Variants in ARL6IP4 observed in about 807,000 individuals in gnomAD.
ARL6IP4 encodes the protein ADP-ribosylation factor-like protein 6-interacting protein 4.
Under a neutral mutation model 28.1 loss-of-function variants are expected in ARL6IP4, and 24 were observed. The observed-to-expected ratio is 0.86, with a 90% CI of 0.62 to 1.20. The LOEUF (loss-of-function observed/expected upper bound fraction) is 1.20, where lower values mean the gene tolerates loss of function less well. ARL6IP4 is among the 50% of genes most tolerant of loss of function. The pLI, the probability that ARL6IP4 is intolerant of heterozygous loss-of-function variation, is 0.00. For synonymous variants in ARL6IP4, 162 were observed against 122.3 expected (o/e 1.32, Z -2.14); for missense variants, 343 against 302.4 (o/e 1.13, Z -1.00).
At position 122,982,775 on chromosome 12, in the gene ARL6IP4, C is replaced by T. The variant is rs2037756732; in HGVS notation, c.*99C>T. 1 of 1,295,038 alleles carries T rather than the reference C, an allele frequency of 7.7e-7. No homozygotes were observed. The highest frequency in any genetic ancestry group is 1.1e-6 in the Non-Finnish European group (1 of 915,384). The allele number at this position is 1,295,038 out of a possible 1,614,324, so 80.2% of individuals were successfully genotyped here. On this transcript the variant is annotated 3_prime_UTR_variant, in exon 6 of 6. Coordinates refer to ENST00000315580, the MANE Select transcript of ARL6IP4 (RefSeq NM_018694.4). ...AGCCTGATGGGTGCTGGTGGCCTTT[C>T]CCCCGTGGATTGGTCTCTGGCCCAG...
Position 122,982,811 on chromosome 12 carries a change from TCTC to T in ARL6IP4, c.*136_*138del. ...TGGTCTCTGGCCCAGCCCAGTCTCT[TCTC>T]AGGGGCAGGGGGTGGAGGTTGGGGT... On this transcript the variant is annotated 3_prime_UTR_variant, in exon 6 of 6. Transcript: ENST00000315580. 2.1e-6 allele frequency: 2 copies of T among 933,462 alleles called. No individual in the cohort carries two copies. 57.8% of individuals were successfully genotyped at this position (933,462 alleles called of 1,614,324 possible).
rs766112918 is a variant in ARL6IP4, at chr12:122,981,824, G to C, written c.414G>C (p.Pro138=). ...AAGCACAGCAGGTGGAGGCTCTGCC[G>C]GGCCCCTCGCTGGACCAGTGGCACC... ...KAEAQQVEAL[P]GPSLDQWHRS... is the part of the protein sequence containing the mutation. Residue 138 remains proline (P), a synonymous_variant, in exon 3 of 6, where the codon CCG becomes CCC. Transcript: ENST00000315580. 1.2e-6 allele frequency: 2 copies of C among 1,608,264 alleles called. No individual in the cohort carries two copies. Among genetic ancestry groups the C allele is most frequent in the East Asian group, 4.5e-5 (2 of 44,652 alleles).
chr12:122,981,070 GA>G lies in ARL6IP4; in HGVS notation c.-11-58del. On this transcript the variant is annotated intron_variant, in intron 1 of 5. Transcript: ENST00000315580. The stretch of plus-strand genomic sequence containing the variant: ...CCCGGCCCCGCTAGAGCCACCCTTG[GA>G]GCCCGCCCGCGGCCGGCCTTGGGGG... 2.0e-6 allele frequency: 3 copies of G among 1,505,486 alleles called. No individual in the cohort carries two copies. In the South Asian group the frequency reaches 3.8e-5, roughly 19 times the overall value. 93.3% of individuals were successfully genotyped at this position (1,505,486 alleles called of 1,614,324 possible).
At chr12:122,980,461 C>T (rs201259682), upstream of ARL6IP4, 180 of 1,363,184 alleles carry the variant, frequency 1.3e-4, no homozygotes, top group East Asian at 5.1e-3. Context: ...GCACCGGGGG[C>T]GTGGGTGCTG....
Position 122,981,711 on chromosome 12 carries a change from C to A in ARL6IP4, c.301C>A (p.Arg101=). 6.4e-7 allele frequency: 1 copy of A among 1,551,370 alleles called. No homozygotes were observed. Among genetic ancestry groups the A allele is most frequent in the South Asian group, 1.2e-5 (1 of 84,354 alleles). The stretch of plus-strand genomic sequence containing the variant: ...CTCCTCCTCTTCCTCCAGTGATGGC[C>A]GGAAGAAGCGGGGGAAGTACAAGGA... ...SSSSSSSSDG[R]KKRGKYKDKR... The change falls in exon 3 of 6, where the codon CGG becomes AGG. Residue 101 remains arginine, a synonymous_variant. Coordinates refer to ENST00000315580, the MANE Select transcript of ARL6IP4 (RefSeq NM_018694.4).
In ARL6IP4 at chr12:122,981,694, C is replaced by A; in HGVS notation, c.284C>A (p.Ser95Tyr). Residue 95 changes from serine to tyrosine, a missense_variant, in exon 3 of 6, where the codon TCT becomes TAT. Ser to Tyr is a moderately radical substitution (Grantham distance 144). Transcript: ENST00000315580. ...TCTTCTTCCTCCTCGTCCTCCTCCT[C>A]TTCCTCCAGTGATGGCCGGAAGAAG... is the stretch of plus-strand genomic sequence containing the variant. ...SSSSSSSSSS[S>Y]SSSDGRKKRG... The A allele has an allele frequency of 6.4e-7, 1 of 1,553,680 alleles. No homozygotes were observed. The highest frequency in any genetic ancestry group is 8.7e-7 in the Non-Finnish European group (1 of 1,147,978).
In ARL6IP4 at chr12:122,981,785, C is replaced by T. The variant is rs938565774; in HGVS notation, c.375C>T (p.Gly125=). 4 of 1,586,510 alleles carry T rather than the reference C, an allele frequency of 2.5e-6. No homozygotes were observed. Among genetic ancestry groups the T allele is most frequent in the Non-Finnish European group, 2.6e-6 (3 of 1,166,380 alleles). The change falls in exon 3 of 6, where the codon GGC becomes GGT. Residue 125 remains glycine (G), a synonymous_variant. Coordinates refer to ENST00000315580, the MANE Select transcript of ARL6IP4 (RefSeq NM_018694.4). ...AGAGGAAGAAGCTGAAGAAGAAGGG[C>T]AAGGAGAAGGCGGAAGCACAGCAGG... ...KKKRKKLKKK[G]KEKAEAQQVE...
intron 1 of ARL6IP4, 27 bp downstream of exon 1, chr12:122,980,772 C>T: frequency 7.7e-7 from 1 of 1,304,588 alleles, no homozygotes; most frequent in East Asian, 3.2e-5. Context: ...CCCGGGGGCC[C>T]CCTTGAGGCG....
chr12:122,981,744 A>G lies in ARL6IP4; in HGVS notation c.334A>G (p.Arg112Gly). The G allele has an allele frequency of 6.4e-7, 1 of 1,555,320 alleles. No homozygotes were observed. Among genetic ancestry groups the G allele is most frequent in the Non-Finnish European group, 8.7e-7 (1 of 1,149,172 alleles). Reference protein sequence around the residue: ...KKRGKYKDKRRKKKKKRKKLK... With the variant: ...KKRGKYKDKRGKKKKKRKKLK... ...GCGGGGGAAGTACAAGGACAAGAGGAGGAAGAAGAAGAAGAAGAGGAAGAA... is the reference window on the plus strand; with the variant it reads ...GCGGGGGAAGTACAAGGACAAGAGGGGGAAGAAGAAGAAGAAGAGGAAGAA... The change falls in exon 3 of 6, where the codon AGG becomes GGG. Residue 112 changes from arginine to glycine, a missense_variant. Coordinates refer to ENST00000315580, the MANE Select transcript of ARL6IP4 (RefSeq NM_018694.4).
At chr12:122,980,968 C>T (rs2037619334) in intron 1 of ARL6IP4, 161 bp from the exon 2 acceptor site, 1 of 1,383,616 alleles carries the variant, frequency 7.2e-7, no homozygotes, top group Non-Finnish European at 9.3e-7. Context: ...CGGAGAAAAC[C>T]GGGGTCCCCA....
At position 122,981,720 on chromosome 12, in the gene ARL6IP4, CG is replaced by C. The variant is rs777430007; in HGVS notation, c.315del (p.Lys106SerfsTer16). On this transcript the variant is annotated frameshift_variant, in exon 3 of 6. Coordinates refer to ENST00000315580, the MANE Select transcript of ARL6IP4 (RefSeq NM_018694.4). LOFTEE classifies it high-confidence loss of function. ...SSSSSDGRKK[R>X]GKYKDKRRKK... ...TTCCTCCAGTGATGGCCGGAAGAAG[CG>C]GGGGAAGTACAAGGACAAGAGGAGG... 4 of 1,551,692 alleles carry C rather than the reference CG, an allele frequency of 2.6e-6. No homozygotes were observed. Among genetic ancestry groups the C allele is most frequent in the African/African-American group, 1.4e-5 (1 of 73,056 alleles).
intron 4 of ARL6IP4, 35 bp from the exon 5 acceptor site, chr12:122,982,434 T>C: frequency 6.3e-7 from 1 of 1,578,020 alleles, no homozygotes; most frequent in Non-Finnish European, 8.6e-7. Flanking sequence ...GGGACCTGCC[T>C]ATTCCTTGCT....
chr12:122,982,485 G>T lies in ARL6IP4; in HGVS notation c.604G>T (p.Gly202Cys). Reference sequence around the variant, plus strand: ...CACCCCCAGGCTTATTAAGGGAGATGGCGAGGTCCTAGAGGAAATCGTAAC... The same window carrying T: ...CACCCCCAGGCTTATTAAGGGAGATTGCGAGGTCCTAGAGGAAATCGTAAC... ...TGRTRLIKGD[G>C]EVLEEIVTKE... is the part of the protein sequence containing the mutation. The change falls in exon 5 of 6, where the codon GGC becomes TGC. Residue 202 changes from glycine to cysteine, a missense_variant. By Grantham distance (159) the Gly-to-Cys change is radical. Coordinates refer to ENST00000315580, the MANE Select transcript of ARL6IP4 (RefSeq NM_018694.4). The T allele has an allele frequency of 6.2e-7, 1 of 1,613,818 alleles. No individual in the cohort carries two copies. Among genetic ancestry groups the T allele is most frequent in the Non-Finnish European group, 8.5e-7 (1 of 1,179,892 alleles).
chr12:122,981,658 C>A lies in ARL6IP4; in HGVS notation c.248C>A (p.Ser83Tyr), dbSNP rs767437870. Residue 83 changes from serine to tyrosine, a missense_variant, in exon 3 of 6, where the codon TCT becomes TAT. Transcript: ENST00000315580. The stretch of plus-strand genomic sequence containing the variant: ...AGCTCCTCCTCCTCTTCTTCCAGTT[C>A]TTCTAGCTCCTCTTCTTCCTCCTCG... The part of the protein sequence containing the change: ...RSSSSSSSSS[S>Y]SSSSSSSSSS... 1.3e-6 allele frequency: 2 copies of A among 1,555,952 alleles called. No homozygotes were observed. Among genetic ancestry groups the A allele is most frequent in the African/African-American group, 1.4e-5 (1 of 73,448 alleles).
In ARL6IP4 at chr12:122,982,682, C is replaced by T; in HGVS notation, c.*6C>T. ...GAGCTGGGTTGCTTCCCTGAGGGCCCCCGCTGGCCAAGGCCTGTGGACGAC... is the reference window on the plus strand; with the variant it reads ...GAGCTGGGTTGCTTCCCTGAGGGCCTCCGCTGGCCAAGGCCTGTGGACGAC... On this transcript the variant is annotated 3_prime_UTR_variant, in exon 6 of 6. Transcript: ENST00000315580. The T allele has an allele frequency of 6.2e-7, 1 of 1,613,386 alleles. No homozygotes were observed. The highest frequency in any genetic ancestry group is 8.5e-7 in the Non-Finnish European group (1 of 1,179,946).
At chr12:122,981,422 G>A in intron 2 of ARL6IP4, 123 bp downstream of exon 2, 3 of 1,391,698 alleles carry the variant, frequency 2.2e-6, no homozygotes, top group Non-Finnish European at 2.8e-6. Context: ...AGGGCCAGGC[G>A]CCGCAGGAGC....
Position 122,981,217 on chromosome 12 carries a change from G to T in ARL6IP4, c.78G>T (p.Lys26Asn). Residue 26 changes from lysine (K) to asparagine (N), a missense_variant, in exon 2 of 6, where the codon AAG (lysine) becomes AAT (asparagine). Physicochemically the swap from Lys to Asn is moderately conservative, Grantham distance 94 (BLOSUM62 0). Transcript: ENST00000315580. ...SRGRGSEKRKKKSRKDTSRNC... is the reference protein window; with the variant it reads ...SRGRGSEKRKNKSRKDTSRNC... ...GACGGGGGTCGGAAAAGAGAAAGAA[G>T]AAGAGCAGGAAAGACACCTCGAGGA... 1 of 1,549,984 alleles carries T rather than the reference G, an allele frequency of 6.5e-7. No homozygotes were observed. The highest frequency in any genetic ancestry group is 1.4e-5 in the African/African-American group (1 of 73,078).
At chr12:122,980,955 C>G in intron 1 of ARL6IP4, 174 bp from the exon 2 acceptor site, 1 of 1,385,612 alleles carries the variant, frequency 7.2e-7, no homozygotes, top group Non-Finnish European at 9.3e-7. Flanking sequence ...GGACTGGAGT[C>G]GGCGGAGAAA....
chr12:122,982,567 G>A (rs753221336), intron 5 of ARL6IP4, 29 bp downstream of exon 5: 37 of 1,613,906 alleles, frequency 2.3e-5, no homozygotes, highest in South Asian at 5.5e-5. Flanking sequence ...CCTGCCATCC[G>A]CCCCCAGCTC....
Sources: allele counts gnomAD v4.1 joint callset, GRCh38; gene constraint gnomAD v4.1.1; transcripts MANE v1.5; gene names NCBI Gene and HGNC (gene_info 2026-07-23, HGNC 2026-07-21).